The following NRAP variants were observed in gnomAD, a reference collection of about 807,000 sequenced individuals.
NRAP encodes nebulin-related-anchoring protein.
NRAP carries 189 observed loss-of-function variants against 225.9 expected under a neutral mutation model. That is an observed-to-expected ratio of 0.84 (90% CI 0.74 to 0.94). The LOEUF (loss-of-function observed/expected upper bound fraction) is 0.94. Among genes scored for constraint, NRAP ranks in the 40% least tolerant of loss-of-function variants. The pLI, the probability that NRAP is intolerant of heterozygous loss-of-function variation, is 0.00. For synonymous variants in NRAP, 769 were observed against 790.7 expected, an observed-to-expected ratio of 0.97 and a Z score of 0.46; for missense variants, 2,176 against 2,168.7, an observed-to-expected ratio of 1.00 and a Z score of -0.07.
intron 35 of NRAP, among the ~76,000 whole-genome samples, chr10:113,603,319 A>G (rs58987886): frequency 0.21 from 31,207 of 151,978 alleles, 3,774 homozygotes; most frequent in East Asian, 0.36. Context: ...GGGAGGGGCC[A>G]GTGCTCTCCA....
At chr10:113,646,827 T>C in intron 10 of NRAP, 96 bp downstream of exon 10, 1 of 855,788 alleles carries the variant, frequency 1.2e-6, no homozygotes, top group Non-Finnish European at 2.0e-6. Context: ...GGCTCAGCTA[T>C]AATAAATGTA....
intron 27 of NRAP, 124 bp downstream of exon 27, chr10:113,615,588 C>A: frequency 1.5e-6 from 1 of 687,248 alleles, no homozygotes; most frequent in Non-Finnish European, 2.7e-6. Context: ...TCACATATTT[C>A]AAGGTGGTGA....
Position 113,604,745 on chromosome 10 carries a change from A to C in NRAP, c.4091T>G (p.Val1364Gly). Residue 1364 changes from valine (V) to glycine (G), a missense_variant, in exon 35 of 42, where the codon GTG becomes GGG. Coordinates refer to ENST00000359988, the MANE Select transcript of NRAP (RefSeq NM_198060.4). Reference protein sequence around the residue: ...QAQFHLPMDMVHLVHAKNAQA... With the variant: ...QAQFHLPMDMGHLVHAKNAQA... ...GGCATTCTTGGCATGGACCAGGTGC[A>C]CCATGTCCATGGGCAGATGGAACTG... 1 of 1,614,168 alleles carries C rather than the reference A, an allele frequency of 6.2e-7. No homozygotes were observed.
At chr10:113,592,534 GC>G (rs1846054040) in intron 38 of NRAP, among the ~76,000 whole-genome samples, 1 of 151,936 alleles carries the variant, frequency 6.6e-6, no homozygotes. Flanking sequence ...CTCCTGTGGG[GC>G]TTGTGATCTT....
At chr10:113,619,891 G>A (rs920104719) in intron 25 of NRAP, among the ~76,000 whole-genome samples, 3 of 152,094 alleles carry the variant, frequency 2.0e-5, no homozygotes, top group Admixed American at 6.5e-5. Context: ...GGGGGCTTTC[G>A]GCAATGTCTC....
chr10:113,631,978 C>T lies in NRAP; in HGVS notation c.1633-14G>A, dbSNP rs1159120210. The T allele has an allele frequency of 6.7e-7, 1 of 1,502,190 alleles. No homozygotes were observed. The highest frequency in any genetic ancestry group is 1.4e-5 in the African/African-American group (1 of 72,780). The allele number at this position is 1,502,190 out of a possible 1,614,324, so 93.1% of individuals were successfully genotyped here. On this transcript the variant is annotated splice_polypyrimidine_tract_variant and intron_variant, in intron 16 of 41. Transcript: ENST00000359988. Reference sequence around the variant, plus strand: ...TTTATACTTAACCTGACAAACAAAACCACAAGTGAATAGGAGTTGCTACCC... The same window carrying T: ...TTTATACTTAACCTGACAAACAAAATCACAAGTGAATAGGAGTTGCTACCC...
At chr10:113,641,237 G>T in intron 13 of NRAP, 128 bp downstream of exon 13, 2 of 558,804 alleles carry the variant, frequency 3.6e-6, no homozygotes, top group Admixed American at 3.4e-5. Flanking sequence ...ACTCTTTTGG[G>T]TCAGTCTTTA....
intron 25 of NRAP, among the ~76,000 whole-genome samples, chr10:113,620,179 C>A (rs896022960): frequency 9.9e-5 from 15 of 152,236 alleles, no homozygotes; most frequent in African/African-American, 3.6e-4. Flanking sequence ...AAAAAAGAAC[C>A]ATGTCACATG....
intron 3 of NRAP, among the ~76,000 whole-genome samples, chr10:113,659,722 C>G (rs950865367): frequency 6.6e-6 from 1 of 152,174 alleles, no homozygotes; most frequent in Admixed American, 6.5e-5. Flanking sequence ...ACAGGAAATT[C>G]TGTCTTTGCA....
chr10:113,661,329 T>C (rs549697220), intron 3 of NRAP, among the ~76,000 whole-genome samples: 1 of 152,284 alleles, frequency 6.6e-6, no homozygotes, highest in Non-Finnish European at 1.5e-5. Context: ...AATAATAAAC[T>C]CACAATTAGT....
intron 35 of NRAP, among the ~76,000 whole-genome samples, chr10:113,602,546 C>A (rs2133878815): frequency 6.6e-6 from 1 of 152,318 alleles, no homozygotes; most frequent in African/African-American, 2.4e-5. Context: ...CTACTCTACA[C>A]TCTGCTTGAT....
chr10:113,646,115 T>C (rs1849491024), intron 10 of NRAP, among the ~76,000 whole-genome samples, 174 bp from the exon 11 acceptor site: 1 of 152,204 alleles, frequency 6.6e-6, no homozygotes, highest in African/African-American at 2.4e-5. Context: ...TACTTTGTCC[T>C]TTTTTGTTAT....
intron 36 of NRAP, 33 bp from the exon 37 acceptor site, chr10:113,597,217 A>G: frequency 1.3e-5 from 17 of 1,322,740 alleles, no homozygotes; most frequent in Non-Finnish European, 1.9e-5. Context: ...CTCATGAAAC[A>G]CAGTCCAACA....
rs201578255 is a variant in NRAP at position 113,590,904 on chromosome 10, A to C, written c.4645-15T>G. 563 of 1,610,376 alleles carry C rather than the reference A, an allele frequency of 3.5e-4. 5 individuals carry two copies. The highest frequency in any genetic ancestry group is 2.9e-4 in the East Asian group (13 of 44,814). On this transcript the variant is annotated splice_polypyrimidine_tract_variant and intron_variant, in intron 39 of 41. Coordinates refer to ENST00000359988, the MANE Select transcript of NRAP (RefSeq NM_198060.4). Reference sequence around the variant, plus strand: ...TTGTACCGGAACTGCAAGTCAGAGGAGCAGAGGCAGATCATGGGTGCCTAC... The same window carrying C: ...TTGTACCGGAACTGCAAGTCAGAGGCGCAGAGGCAGATCATGGGTGCCTAC...
intron 34 of NRAP, among the ~76,000 whole-genome samples, chr10:113,605,467 G>A (rs967113577): frequency 1.3e-5 from 2 of 152,236 alleles, no homozygotes; most frequent in African/African-American, 4.8e-5. Flanking sequence ...TCTGGGTGGA[G>A]TTAGAAGACA....
chr10:113,595,802 C>A (rs755327827), intron 37 of NRAP, 75 bp from the exon 38 acceptor site: 49 of 976,738 alleles, frequency 5.0e-5, no homozygotes, highest in Non-Finnish European at 8.0e-5. Context: ...AACTGACTCC[C>A]TTTCCTGCCC....
chr10:113,663,498 A>C, intron 1 of NRAP, 52 bp from the exon 2 acceptor site: 1 of 1,134,456 alleles, frequency 8.8e-7, no homozygotes, highest in Non-Finnish European at 1.3e-6. Context: ...CCCCAGACTC[A>C]AGGTTCTTAT....
At chr10:113,633,250 C>G in intron 15 of NRAP, 62 bp from the exon 16 acceptor site, 1 of 941,916 alleles carries the variant, frequency 1.1e-6, no homozygotes, top group Non-Finnish European at 1.7e-6. Context: ...CTTTAGGGAC[C>G]CATAGCTCTT....
chr10:113,633,452 C>T (rs1009341343), intron 15 of NRAP, among the ~76,000 whole-genome samples: 4 of 152,184 alleles, frequency 2.6e-5, no homozygotes, highest in South Asian at 2.1e-4. Context: ...TCCCCTTACA[C>T]GCACTTGAGA....
Sources: gnomAD v4.1 joint callset for allele counts (sites outside exome capture counted in the v4.1 genomes callset) on GRCh38, gnomAD v4.1.1 for gene constraint, MANE v1.5 for transcripts, NCBI Gene and HGNC (gene_info 2026-07-23, HGNC 2026-07-21) for gene names.